The following WDR33 variants were observed in gnomAD, a reference collection of about 807,000 sequenced individuals.
WDR33 encodes WD repeat domain 33.
A neutral mutation model predicts 164.9 loss-of-function variants in WDR33; 47 were observed. The ratio of observed to expected loss-of-function variants is 0.29; its 90% CI spans 0.23 to 0.36. The LOEUF is 0.36. Among genes scored for constraint, WDR33 ranks in the 10% least tolerant of loss-of-function variants. WDR33 has a pLI of 1.00. For missense variants in WDR33, 1,137 were observed against 1,754.1 expected (o/e 0.65, Z 6.28); for synonymous variants, 505 against 589.0 (o/e 0.86, Z 2.06).
At position 127,737,950 on chromosome 2, in the gene WDR33, A is replaced by G. The variant is rs550563305; in HGVS notation, c.725-11173T>C. Reference sequence around the variant, plus strand: ...ATGTTTTGCCAGAATCTTCTTGGGTATATTCACAGAAGTTGGTAAATGTGG... The same window carrying G: ...ATGTTTTGCCAGAATCTTCTTGGGTGTATTCACAGAAGTTGGTAAATGTGG... On this transcript the variant is annotated intron_variant, in intron 7 of 21. Coordinates refer to ENST00000322313, the MANE Select transcript of WDR33 (RefSeq NM_018383.5). The G allele has an allele frequency of 1.0e-5, 16 of 1,599,824 alleles. No homozygotes were observed. The African/African-American group carries it at 2.0e-4, about 20-fold the overall frequency.
chr2:127,811,092 C>T lies in WDR33; in HGVS notation c.-104G>A, dbSNP rs1689636904. The T allele has an allele frequency of 6.5e-6, 1 of 152,720 alleles. No individual in the cohort carries two copies. The highest frequency in any genetic ancestry group is 2.4e-5 in the African/African-American group (1 of 41,470). The allele number at this position is 152,720 out of a possible 1,614,324, so 9.5% of individuals were successfully genotyped here. A position where few individuals can be genotyped will look rare whatever the true frequency, so the allele number is the denominator to read the frequency against. ...CAGAAATGTCTCTCTTGTTTGGTCTCCCCACCCCGATCCTCTCAATCCCGC... is the reference window on the plus strand; with the variant it reads ...CAGAAATGTCTCTCTTGTTTGGTCTTCCCACCCCGATCCTCTCAATCCCGC... On this transcript the variant is annotated 5_prime_UTR_variant, in exon 1 of 22. Transcript: ENST00000322313. This position sits in a 1 kb window ranked among gnomAD's most constrained non-coding sequence, Gnocchi z 4.1.
intron 1 of WDR33, among the ~76,000 whole-genome samples, chr2:127,783,044 G>A (rs180684569): frequency 1.3e-5 from 2 of 152,066 alleles, no homozygotes; most frequent in Non-Finnish European, 2.9e-5. Flanking sequence ...TATACAGCAG[G>A]ATATGTGTAT....
intron 7 of WDR33, among the ~76,000 whole-genome samples, chr2:127,743,179 C>G (rs895902392): frequency 6.6e-6 from 1 of 152,000 alleles, no homozygotes; most frequent in Non-Finnish European, 1.5e-5. Context: ...AAAGAGTGGA[C>G]TTAAAAGAAT....
chr2:127,722,565 G>A lies in WDR33; in HGVS notation c.1518+26C>T. On this transcript the variant is annotated intron_variant, in intron 14 of 21. Coordinates refer to ENST00000322313, the MANE Select transcript of WDR33 (RefSeq NM_018383.5). The surrounding 1 kb of genome is among the most constrained non-coding windows in gnomAD (Gnocchi z 5.1). The stretch of plus-strand genomic sequence containing the variant: ...TAACCAACCAAAACCTCTCTGCGTG[G>A]ATGAGGTGGAGTCACTTTTACTTAC... The A allele has an allele frequency of 1.9e-6, 3 of 1,608,580 alleles. No homozygotes were observed. The highest frequency in any genetic ancestry group is 2.5e-6 in the Non-Finnish European group (3 of 1,177,986).
rs770065577 is a variant in WDR33, at chr2:127,701,913, G to T, written c.*4410C>A. 2.1e-6 allele frequency: 3 copies of T among 1,447,828 alleles called. No individual in the cohort carries two copies. The South Asian group carries it at 4.0e-5, about 19-fold the overall frequency. The allele number at this position is 1,447,828 out of a possible 1,614,324, so 89.7% of individuals were successfully genotyped here. On this transcript the variant is annotated 3_prime_UTR_variant, in exon 22 of 22. Transcript: ENST00000322313. Reference sequence around the variant, plus strand: ...GGCGGGAAGCGCGCTGCTGCGGGGCGGCGCGGCGTGCGGACGCCTGCTGCG... The same window carrying T: ...GGCGGGAAGCGCGCTGCTGCGGGGCTGCGCGGCGTGCGGACGCCTGCTGCG...
chr2:127,796,408 G>A (rs764082904), intron 1 of WDR33, among the ~76,000 whole-genome samples: 3 of 151,834 alleles, frequency 2.0e-5, no homozygotes, highest in African/African-American at 7.3e-5. Context: ...TAGCACTACT[G>A]TGGTTAAGGA....
rs923648816 is a variant in WDR33 at position 127,706,688 on chromosome 2, C to A, written c.3782-136G>T. On this transcript the variant is annotated intron_variant, in intron 21 of 21. Coordinates refer to ENST00000322313, the MANE Select transcript of WDR33 (RefSeq NM_018383.5). This position sits in a 1 kb window ranked among gnomAD's most constrained non-coding sequence, Gnocchi z 5.1. ...CAGGGAGACTGGCAGTGGTATTCAG[C>A]GTACTGAGAGGTGTGCCTCTACCCT... The A allele has an allele frequency of 2.9e-5, 22 of 766,454 alleles. No individual in the cohort carries two copies. Among genetic ancestry groups the A allele is most frequent in the Non-Finnish European group, 4.1e-5 (20 of 493,314 alleles). 47.5% of individuals were successfully genotyped at this position (766,454 alleles called of 1,614,324 possible).
intron 7 of WDR33, among the ~76,000 whole-genome samples, chr2:127,743,897 T>C (rs1687096335): frequency 6.6e-6 from 1 of 152,168 alleles, no homozygotes; most frequent in South Asian, 2.1e-4. Context: ...AAATACATAT[T>C]ATGTGAAATT....
At position 127,750,373 on chromosome 2, in the gene WDR33, A is replaced by G. The variant is rs182120415; in HGVS notation, c.724+12689T>C. 5.0e-3 allele frequency among the ~76,000 whole-genome samples: 767 copies of G among 151,886 alleles called. 13 individuals are homozygous for G. Among genetic ancestry groups the G allele is most frequent in the African/African-American group, 0.017 (716 of 41,448 alleles). On this transcript the variant is annotated intron_variant, in intron 7 of 21. Transcript: ENST00000322313. ...TCAAAAATATAAGGGAAGGCCAGGC[A>G]CAGTAGCTCACACCAGTAATCCCAG... is the stretch of plus-strand genomic sequence containing the variant.
At position 127,701,262 on chromosome 2, in the gene WDR33, T is replaced by C; in HGVS notation, c.*5061A>G. On this transcript the variant is annotated 3_prime_UTR_variant, in exon 22 of 22. Transcript: ENST00000322313. ...TCCAACTATTAATGCTGGCAGGACT[T>C]AGCCAGACCGCAAGGGCGCCTACTC... 3.3e-6 allele frequency: 1 copy of C among 302,728 alleles called. No homozygotes were observed. The highest frequency in any genetic ancestry group is 6.0e-6 in the Non-Finnish European group (1 of 165,616). The allele number at this position is 302,728 out of a possible 1,614,324, so 18.8% of individuals were successfully genotyped here. A position where few individuals can be genotyped will look rare whatever the true frequency, so the allele number is the denominator to read the frequency against.
At chr2:127,769,787 A>T (rs1687936569) in intron 2 of WDR33, among the ~76,000 whole-genome samples, 1 of 152,220 alleles carries the variant, frequency 6.6e-6, no homozygotes, top group Non-Finnish European at 1.5e-5. Context: ...CCACAGATCT[A>T]AGGTAATGAA....
chr2:127,777,812 T>C (rs1424574718), intron 1 of WDR33, among the ~76,000 whole-genome samples: 1 of 152,016 alleles, frequency 6.6e-6, no homozygotes, highest in Non-Finnish European at 1.5e-5. Flanking sequence ...AGATCTTGCT[T>C]TGTTGCCCAG....
chr2:127,808,985 C>G (rs1033258267), intron 1 of WDR33, among the ~76,000 whole-genome samples: 2 of 145,954 alleles, frequency 1.4e-5, no homozygotes, highest in Non-Finnish European at 3.0e-5. Context: ...AGCCAAAGAT[C>G]GCGCCACTGC....
At position 127,713,508 on chromosome 2, in the gene WDR33, A is replaced by C. The variant is rs758578365; in HGVS notation, c.3308+75T>G. 17 of 1,505,656 alleles carry C rather than the reference A, an allele frequency of 1.1e-5. No individual in the cohort carries two copies. The highest frequency in any genetic ancestry group is 1.5e-5 in the Non-Finnish European group (17 of 1,105,486). 93.3% of individuals were successfully genotyped at this position (1,505,656 alleles called of 1,614,324 possible). A position where few individuals can be genotyped will look rare whatever the true frequency, so the allele number is the denominator to read the frequency against. On this transcript the variant is annotated intron_variant, in intron 18 of 21. Transcript: ENST00000322313. This position sits in a 1 kb window ranked among gnomAD's most constrained non-coding sequence, Gnocchi z 6.2. The stretch of plus-strand genomic sequence containing the variant: ...ATTCTCTTTCCTCAAGAAAAAGAAG[A>C]AAGAGACCTTTGTGGAGACAGCAGA...
rs1686257717 is a variant in WDR33 at position 127,714,697 on chromosome 2, A to G, written c.2870-676T>C. ...GTTTGGAATCCCACTAAAGTTTTCT[A>G]AAATATGTGAAAATATGTACTGTAA... On this transcript the variant is annotated intron_variant, in intron 17 of 21. Coordinates refer to ENST00000322313, the MANE Select transcript of WDR33 (RefSeq NM_018383.5). This position sits in a 1 kb window ranked among gnomAD's most constrained non-coding sequence, Gnocchi z 4.3. Among the ~76,000 whole-genome samples the G allele has an allele frequency of 6.6e-6, 1 of 152,230 alleles. No homozygotes were observed. Among genetic ancestry groups the G allele is most frequent in the Non-Finnish European group, 1.5e-5 (1 of 68,042 alleles).
intron 7 of WDR33, chr2:127,762,385 C>T (rs920494193): frequency 1.5e-5 from 7 of 479,898 alleles, no homozygotes; most frequent in South Asian, 9.0e-5. Flanking sequence ...ACTGAATTCA[C>T]GTAACTCACA....
chr2:127,742,522 C>T, intron 7 of WDR33, among the ~76,000 whole-genome samples: 1 of 79,240 alleles, frequency 1.3e-5, no homozygotes, highest in East Asian at 3.4e-4. Context: ...GACCCTGTCT[C>T]AAAAAAAAAA....
chr2:127,775,891 C>A (rs1377534621), intron 1 of WDR33, among the ~76,000 whole-genome samples: 5 of 152,056 alleles, frequency 3.3e-5, no homozygotes, highest in Non-Finnish European at 7.4e-5. Flanking sequence ...ACAATTATAT[C>A]TGAAACAAAC....
chr2:127,714,092 TC>T lies in WDR33; in HGVS notation c.2870-72del. 7.2e-7 allele frequency: 1 copy of T among 1,383,732 alleles called. No individual in the cohort carries two copies. The highest frequency in any genetic ancestry group is 9.5e-7 in the Non-Finnish European group (1 of 1,051,528). 85.7% of individuals were successfully genotyped at this position (1,383,732 alleles called of 1,614,324 possible). ...GCCAACATAGGTCTGATCTGTAGCA[TC>T]TCTACATTTCAGAATACATTCTTTA... On this transcript the variant is annotated intron_variant, in intron 17 of 21. Coordinates refer to ENST00000322313, the MANE Select transcript of WDR33 (RefSeq NM_018383.5). The surrounding 1 kb of genome is among the most constrained non-coding windows in gnomAD (Gnocchi z 4.3).
Sources: allele counts gnomAD v4.1 joint callset (sites outside exome capture counted in the v4.1 genomes callset), GRCh38; gene constraint gnomAD v4.1.1; non-coding constraint Gnocchi (gnomAD v3.1); transcripts MANE v1.5; gene names NCBI Gene and HGNC (gene_info 2026-07-23, HGNC 2026-07-21).